The following TSPEAR variants were observed in gnomAD, a reference collection of about 807,000 sequenced individuals.
The protein encoded by TSPEAR is thrombospondin-type laminin G domain and EAR repeat-containing protein.
A neutral mutation model predicts 71.6 loss-of-function variants in TSPEAR; 69 were observed. The observed-to-expected ratio is 0.96, with a 90% CI of 0.79 to 1.18. TSPEAR has a LOEUF of 1.18. Among genes scored for constraint, TSPEAR ranks in the 50% most tolerant of loss-of-function variants. TSPEAR has a pLI of 0.00. For missense variants in TSPEAR, 971 were observed against 894.9 expected, an observed-to-expected ratio of 1.09 and a Z score of -1.09; for synonymous variants, 402 against 387.2, an observed-to-expected ratio of 1.04 and a Z score of -0.45.
At chr21:44,690,246 A>AG (rs1987071218) in intron 1 of TSPEAR, among the ~76,000 whole-genome samples, 1 of 152,274 alleles carries the variant, frequency 6.6e-6, no homozygotes, top group African/African-American at 2.4e-5. Flanking sequence ...TGGGAGTCCC[A>AG]CAAAGCGGGA....
chr21:44,627,270 C>T (rs1425144579), intron 1 of TSPEAR: 1 of 1,612,530 alleles, frequency 6.2e-7, no homozygotes, highest in African/African-American at 1.3e-5. Flanking sequence ...CCTGCTGCGC[C>T]ACCAGCTGCT....
chr21:44,649,434 C>T (rs1218519300), intron 1 of TSPEAR, among the ~76,000 whole-genome samples: 1 of 152,190 alleles, frequency 6.6e-6, no homozygotes, highest in Non-Finnish European at 1.5e-5. Context: ...CTCCTCTTAG[C>T]TGATTTCTTG....
rs782679323 is a variant in TSPEAR, at chr21:44,710,160, C to T, written c.82+1273G>A. ...AGGGGAGGGAGAAAGGCTGGCGCTGCGCCCTCCATCGCGTGAAGCCAGGGG... is the reference window on the plus strand; with the variant it reads ...AGGGGAGGGAGAAAGGCTGGCGCTGTGCCCTCCATCGCGTGAAGCCAGGGG... On this transcript the variant is annotated intron_variant, in intron 1 of 11. Transcript: ENST00000323084. This position sits in a 1 kb window ranked among gnomAD's most constrained non-coding sequence, Gnocchi z 4.6. Among the ~76,000 whole-genome samples, 5 of 152,106 alleles carry T rather than the reference C, an allele frequency of 3.3e-5. No individual in the cohort carries two copies. The highest frequency in any genetic ancestry group is 4.8e-5 in the African/African-American group (2 of 41,414).
At chr21:44,699,621 C>T (rs1421591690) in intron 1 of TSPEAR, among the ~76,000 whole-genome samples, 1 of 152,122 alleles carries the variant, frequency 6.6e-6, no homozygotes, top group African/African-American at 2.4e-5. Flanking sequence ...CCGGCCAGCC[C>T]CTGCTGCGCC....
Position 44,612,381 on chromosome 21 carries a change from G to A in TSPEAR, c.83-44376C>T. The stretch of plus-strand genomic sequence containing the variant: ...TGCCAATCAGGCTGCACCGACTCCT[G>A]CACACCTTCATGCTGCCAGCAGTCT... On this transcript the variant is annotated intron_variant, in intron 1 of 11. Transcript: ENST00000323084. This position sits in a 1 kb window ranked among gnomAD's most constrained non-coding sequence, Gnocchi z 4.1. 1 of 1,614,000 alleles carries A rather than the reference G, an allele frequency of 6.2e-7. No individual in the cohort carries two copies. Among genetic ancestry groups the A allele is most frequent in the Non-Finnish European group, 8.5e-7 (1 of 1,180,026 alleles).
At chr21:44,670,736 A>G (rs2146281276) in intron 1 of TSPEAR, among the ~76,000 whole-genome samples, 2 of 152,250 alleles carry the variant, frequency 1.3e-5, no homozygotes, top group South Asian at 4.1e-4. Flanking sequence ...CACACCCACC[A>G]GGTCCTGAGC....
chr21:44,655,444 A>G (rs1555942421), intron 1 of TSPEAR, among the ~76,000 whole-genome samples: 1 of 152,222 alleles, frequency 6.6e-6, no homozygotes, highest in Non-Finnish European at 1.5e-5. Flanking sequence ...GTGTGACCAC[A>G]GTGGGCTTCC....
intron 1 of TSPEAR, among the ~76,000 whole-genome samples, chr21:44,651,734 A>G (rs1432889164): frequency 1.3e-5 from 2 of 152,154 alleles, no homozygotes; most frequent in Non-Finnish European, 1.5e-5. Context: ...AATTAGCCAC[A>G]CGTGTGAAGT....
At chr21:44,689,607 C>A (rs969572135) in intron 1 of TSPEAR, among the ~76,000 whole-genome samples, 48 of 149,728 alleles carry the variant, frequency 3.2e-4, no homozygotes, top group South Asian at 8.5e-4. Flanking sequence ...GAACAATGAT[C>A]CCTAAAATGT....
chr21:44,505,760 C>T (rs939777895), intron 10 of TSPEAR, among the ~76,000 whole-genome samples: 12 of 151,854 alleles, frequency 7.9e-5, no homozygotes, highest in Admixed American at 7.9e-4. Context: ...TTTCTAAGGC[C>T]GAGTAACGCT....
intron 5 of TSPEAR, 28 bp downstream of exon 5, chr21:44,529,770 T>C (rs2052929224): frequency 6.2e-7 from 1 of 1,612,872 alleles, no homozygotes; most frequent in Non-Finnish European, 8.5e-7. Context: ...CTGCCTTTGG[T>C]GTGGGGGCGG....
intron 9 of TSPEAR, among the ~76,000 whole-genome samples, chr21:44,514,686 T>C (rs965478284): frequency 4.6e-5 from 7 of 152,126 alleles, no homozygotes; most frequent in African/African-American, 1.7e-4. Context: ...TGCCTAGACT[T>C]CTAGGGACAG....
chr21:44,666,612 G>C, intron 1 of TSPEAR: 1 of 1,614,106 alleles, frequency 6.2e-7, no homozygotes, highest in Non-Finnish European at 8.5e-7. Context: ...ACACACAATG[G>C]GCCTGCAGCT....
intron 1 of TSPEAR, chr21:44,697,577 G>A: frequency 1.9e-6 from 3 of 1,612,676 alleles, no homozygotes; most frequent in Non-Finnish European, 2.5e-6. Flanking sequence ...CGTCTGCTGT[G>A]GGCCTTCTTC....
intron 1 of TSPEAR, among the ~76,000 whole-genome samples, chr21:44,635,104 G>A (rs1983466941): frequency 6.6e-6 from 1 of 152,118 alleles, no homozygotes; most frequent in African/African-American, 2.4e-5. Context: ...CAGCACTTTG[G>A]GAGGCCGAGG....
rs1980017505 is a variant in TSPEAR at position 44,592,349 on chromosome 21, A to AG, written c.83-24345dup. On this transcript the variant is annotated intron_variant, in intron 1 of 11. Transcript: ENST00000323084. ...CTCAGGCAGGGGGCCGGGGCGCAGC[A>AG]GGGGGGCTCACAGCAGCTCTCTGGG... The AG allele has an allele frequency of 3.0e-6, 4 of 1,325,846 alleles. 2 individuals are homozygous for AG. The highest frequency in any genetic ancestry group is 2.0e-6 in the Non-Finnish European group (2 of 984,878). The allele number at this position is 1,325,846 out of a possible 1,614,324, so 82.1% of individuals were successfully genotyped here.
intron 2 of TSPEAR, among the ~76,000 whole-genome samples, chr21:44,562,664 C>T (rs973872734): frequency 6.6e-6 from 1 of 152,070 alleles, no homozygotes; most frequent in Non-Finnish European, 1.5e-5. Flanking sequence ...AGAAGAGCAA[C>T]AGTTCACTTC....
Position 44,526,227 on chromosome 21 carries a change from G to A in TSPEAR, c.1150-388C>T, listed in dbSNP as rs76759177. 3.9e-5 allele frequency among the ~76,000 whole-genome samples: 6 copies of A among 152,316 alleles called. No homozygotes were observed. The East Asian group carries it at 9.6e-4, about 24-fold the overall frequency. ...GTTATGGGTGTGATCACCACGCAAAGCTGTGTCAGGGCAATGTGTGTAAAA... is the reference window on the plus strand; with the variant it reads ...GTTATGGGTGTGATCACCACGCAAAACTGTGTCAGGGCAATGTGTGTAAAA... On this transcript the variant is annotated intron_variant, in intron 7 of 11. Transcript: ENST00000323084.
At chr21:44,543,570 G>A (rs1477425266) in intron 2 of TSPEAR, among the ~76,000 whole-genome samples, 3 of 152,172 alleles carry the variant, frequency 2.0e-5, no homozygotes, top group Non-Finnish European at 4.4e-5. Context: ...AATTAGTTAA[G>A]TCATACGGGA....
Sources: allele counts gnomAD v4.1 joint callset (sites outside exome capture counted in the v4.1 genomes callset), GRCh38; gene constraint gnomAD v4.1.1; non-coding constraint Gnocchi (gnomAD v3.1); transcripts MANE v1.5; gene names NCBI Gene and HGNC (gene_info 2026-07-23, HGNC 2026-07-21).